SGCZ: variants seen among roughly 807,000 people sequenced by gnomAD.
SGCZ encodes zeta-sarcoglycan.
Under a neutral mutation model 41.3 loss-of-function variants are expected in SGCZ, and 40 were observed. That is an observed-to-expected ratio of 0.97 (90% CI 0.75 to 1.26). The LOEUF is 1.26. Ranked by LOEUF, SGCZ falls within the 50% of genes most tolerant of loss-of-function variation. The probability of loss-of-function intolerance (pLI) is 0.00; values close to 1 mark genes in which losing one functional copy is unlikely to be tolerated. For missense variants in SGCZ, 552 were observed against 369.8 expected (o/e 1.49, Z -4.04); for synonymous variants, 206 against 137.5 (o/e 1.50, Z -3.49).
chr8:15,009,718 T>A (rs904749226), intron 1 of SGCZ, among the ~76,000 whole-genome samples: 3 of 152,242 alleles, frequency 2.0e-5, no homozygotes, highest in Non-Finnish European at 4.4e-5. Context: ...TTCCTTGATC[T>A]GTGTCCCTCA....
chr8:15,116,726 A>C (rs1292285001), intron 1 of SGCZ, among the ~76,000 whole-genome samples: 4 of 152,326 alleles, frequency 2.6e-5, no homozygotes, highest in African/African-American at 9.6e-5. Flanking sequence ...CTTGCTTACT[A>C]TGCCACAAAA....
At chr8:14,306,678 C>A (rs12544484) in intron 3 of SGCZ, among the ~76,000 whole-genome samples, 37,416 of 151,856 alleles carry the variant, frequency 0.25, 4,802 homozygotes, top group South Asian at 0.33. Context: ...CATATAGACA[C>A]TGAATTAAGA....
intron 1 of SGCZ, among the ~76,000 whole-genome samples, chr8:14,872,396 T>G (rs1020835779): frequency 6.6e-6 from 1 of 151,902 alleles, no homozygotes; most frequent in African/African-American, 2.4e-5. Context: ...ATTAGTGTTT[T>G]TGCTGTATAT....
intron 1 of SGCZ, among the ~76,000 whole-genome samples, chr8:15,016,544 G>A (rs1254798283): frequency 2.6e-5 from 4 of 152,170 alleles, no homozygotes; most frequent in South Asian, 4.1e-4. Flanking sequence ...GACCAGGAAC[G>A]CACTGTTATC....
At chr8:14,834,064 C>T (rs1020962974) in intron 1 of SGCZ, among the ~76,000 whole-genome samples, 5 of 152,102 alleles carry the variant, frequency 3.3e-5, no homozygotes, top group African/African-American at 1.2e-4. Flanking sequence ...TTACTAACAG[C>T]ATTGCAGTAA....
At chr8:15,066,679 C>G (rs1365809677) in intron 1 of SGCZ, among the ~76,000 whole-genome samples, 2 of 152,136 alleles carry the variant, frequency 1.3e-5, no homozygotes, top group African/African-American at 2.4e-5. Context: ...TTTACATTGA[C>G]TATATCGCTT....
intron 1 of SGCZ, among the ~76,000 whole-genome samples, chr8:15,009,456 T>C (rs910790123): frequency 5.3e-5 from 8 of 152,114 alleles, no homozygotes; most frequent in African/African-American, 9.7e-5. Flanking sequence ...CCAAACCGTA[T>C]CACATAGTTT....
intron 1 of SGCZ, among the ~76,000 whole-genome samples, chr8:14,766,512 A>G (rs986515654): frequency 2.0e-5 from 3 of 152,010 alleles, no homozygotes; most frequent in Admixed American, 6.6e-5. Context: ...TGTTTAATCA[A>G]AAAGACAATA....
chr8:14,120,114 C>A (rs1202211532), intron 5 of SGCZ, among the ~76,000 whole-genome samples: 1 of 151,806 alleles, frequency 6.6e-6, no homozygotes, highest in Non-Finnish European at 1.5e-5. Flanking sequence ...GGATAGATAC[C>A]AAATTTCTAA....
chr8:14,561,339 G>A (rs1302272077), intron 1 of SGCZ, among the ~76,000 whole-genome samples: 1 of 152,130 alleles, frequency 6.6e-6, no homozygotes, highest in Non-Finnish European at 1.5e-5. Context: ...AAACAATGCT[G>A]CAATTGCAGA....
intron 1 of SGCZ, among the ~76,000 whole-genome samples, chr8:14,910,758 G>C (rs1341231638): frequency 6.6e-6 from 1 of 151,838 alleles, no homozygotes; most frequent in East Asian, 1.9e-4. Context: ...AAAATAGGAA[G>C]ACAATGATGT....
chr8:14,399,092 A>C (rs564702994), intron 2 of SGCZ, among the ~76,000 whole-genome samples: 113 of 152,208 alleles, frequency 7.4e-4, no homozygotes, highest in African/African-American at 2.7e-3. Flanking sequence ...GATCATTATT[A>C]TTTTGAGAGC....
intron 4 of SGCZ, among the ~76,000 whole-genome samples, chr8:14,185,562 G>A (rs1804876880): frequency 6.6e-6 from 1 of 151,950 alleles, no homozygotes. Flanking sequence ...ACTAGCATCT[G>A]ACTCATTCAA....
intron 1 of SGCZ, among the ~76,000 whole-genome samples, chr8:14,754,639 A>G (rs937995563): frequency 5.3e-5 from 8 of 152,332 alleles, no homozygotes; most frequent in Non-Finnish European, 8.8e-5. Context: ...CTATAATTGC[A>G]GAATAAATAA....
At chr8:14,249,042 T>C (rs1203897307) in intron 3 of SGCZ, among the ~76,000 whole-genome samples, 1 of 152,184 alleles carries the variant, frequency 6.6e-6, no homozygotes, top group East Asian at 1.9e-4. Context: ...GAGATGGGTG[T>C]CCAAATATTT....
intron 1 of SGCZ, among the ~76,000 whole-genome samples, chr8:15,156,027 C>T (rs1406656374): frequency 3.1e-5 from 4 of 130,262 alleles, no homozygotes; most frequent in African/African-American, 6.0e-5. Flanking sequence ...CATTGCACTC[C>T]AGCCTGGGTG....
intron 1 of SGCZ, among the ~76,000 whole-genome samples, chr8:14,942,980 T>C (rs538357677): frequency 6.6e-6 from 1 of 152,276 alleles, no homozygotes; most frequent in African/African-American, 2.4e-5. Flanking sequence ...GATTGCTGAA[T>C]CATGCCAGTC....
intron 2 of SGCZ, among the ~76,000 whole-genome samples, chr8:14,462,601 C>T (rs939289324): frequency 8.6e-5 from 13 of 151,968 alleles, no homozygotes; most frequent in African/African-American, 3.1e-4. Flanking sequence ...TTGCCAGTAC[C>T]ACACTATTGA....
At chr8:14,342,916 G>A (rs1482343755) in intron 2 of SGCZ, among the ~76,000 whole-genome samples, 2 of 152,160 alleles carry the variant, frequency 1.3e-5, no homozygotes, top group African/African-American at 4.8e-5. Flanking sequence ...AGGAAAAAGT[G>A]GTTTTGTGGG....
Sources: gnomAD v4.1 joint callset for allele counts (sites outside exome capture counted in the v4.1 genomes callset) on GRCh38, gnomAD v4.1.1 for gene constraint, MANE v1.5 for transcripts, NCBI Gene and HGNC (gene_info 2026-07-23, HGNC 2026-07-21) for gene names.